The following KIF21A variants were observed in gnomAD, a reference collection of about 807,000 sequenced individuals.
The protein encoded by KIF21A is kinesin-like protein KIF21A.
A neutral mutation model predicts 202.9 loss-of-function variants in KIF21A; 114 were observed. The observed-to-expected ratio is 0.56, with a 90% CI of 0.48 to 0.66. The LOEUF (loss-of-function observed/expected upper bound fraction) is 0.66, where lower values mean the gene tolerates loss of function less well. Among genes scored for constraint, KIF21A ranks in the 30% least tolerant of loss-of-function variants. The pLI is 0.00. For synonymous variants in KIF21A, 667 were observed against 670.8 expected (o/e 0.99, Z 0.09); for missense variants, 1,677 against 1,994.9 (o/e 0.84, Z 3.04).
intron 1 of KIF21A, among the ~76,000 whole-genome samples, chr12:39,421,723 T>TTTATA (rs944109985): frequency 7.4e-6 from 1 of 135,026 alleles, no homozygotes; most frequent in African/African-American, 2.8e-5. Context: ...TATATATAAT[T>TTTATA]TATATATATA....
In KIF21A at chr12:39,435,017, G is replaced by C. The variant is rs562944239; in HGVS notation, c.44+7910C>G. Reference sequence around the variant, plus strand: ...GACAGACACAACTCTCCAAAGTTGAGAATAATTCAAATCCAGTCTCAAAAG... The same window carrying C: ...GACAGACACAACTCTCCAAAGTTGACAATAATTCAAATCCAGTCTCAAAAG... On this transcript the variant is annotated intron_variant, in intron 1 of 37. Coordinates refer to ENST00000361418, the MANE Select transcript of KIF21A (RefSeq NM_001173464.2). 2.0e-5 allele frequency among the ~76,000 whole-genome samples: 3 copies of C among 152,302 alleles called. 1 individual carries two copies. The highest frequency in any genetic ancestry group is 7.2e-5 in the African/African-American group (3 of 41,568).
At chr12:39,386,970 C>T (rs1378728506) in intron 1 of KIF21A, among the ~76,000 whole-genome samples, 1 of 151,958 alleles carries the variant, frequency 6.6e-6, no homozygotes, top group Non-Finnish European at 1.5e-5. Context: ...TACCTTCTCA[C>T]CTAAGCATGG....
At chr12:39,344,623 A>G (rs528173517) in intron 12 of KIF21A, among the ~76,000 whole-genome samples, 1 of 152,270 alleles carries the variant, frequency 6.6e-6, no homozygotes, top group East Asian at 1.9e-4. Context: ...TCACTTCTAC[A>G]TTAACTCATA....
chr12:39,311,305 A>T, intron 32 of KIF21A, 112 bp downstream of exon 32: 1 of 967,460 alleles, frequency 1.0e-6, no homozygotes, highest in Non-Finnish European at 1.6e-6. Context: ...GAACCAGATT[A>T]TCCGATTCTT....
At chr12:39,392,796 C>A (rs1238677521) in intron 1 of KIF21A, among the ~76,000 whole-genome samples, 1 of 147,678 alleles carries the variant, frequency 6.8e-6, no homozygotes, top group Non-Finnish European at 1.5e-5. Flanking sequence ...AAATAAAATT[C>A]AGATTGTGGG....
intron 17 of KIF21A, among the ~76,000 whole-genome samples, chr12:39,333,583 T>C (rs1421552206): frequency 3.9e-5 from 6 of 152,212 alleles, no homozygotes; most frequent in Admixed American, 3.9e-4. Context: ...ACAAATGTTA[T>C]CTTATTTAAT....
chr12:39,427,898 A>T (rs895023954), intron 1 of KIF21A, among the ~76,000 whole-genome samples: 2 of 152,186 alleles, frequency 1.3e-5, no homozygotes. Context: ...ACCTCAGATG[A>T]TCCAGCTGCC....
intron 25 of KIF21A, 53 bp from the exon 26 acceptor site, chr12:39,325,946 A>T (rs1291744155): frequency 7.2e-7 from 1 of 1,398,554 alleles, no homozygotes; most frequent in Non-Finnish European, 1.0e-6. Flanking sequence ...TTATTATAGA[A>T]AACTATAGCT....
At chr12:39,413,819 T>C (rs1953313626) in intron 1 of KIF21A, among the ~76,000 whole-genome samples, 1 of 152,164 alleles carries the variant, frequency 6.6e-6, no homozygotes, top group Non-Finnish European at 1.5e-5. Context: ...GCCTCCTCTT[T>C]TTTTGCCATA....
intron 1 of KIF21A, among the ~76,000 whole-genome samples, chr12:39,375,575 A>T (rs887329416): frequency 1.3e-5 from 2 of 152,092 alleles, no homozygotes; most frequent in African/African-American, 2.4e-5. Flanking sequence ...TTGCACAGCA[A>T]CCATATAATA....
At chr12:39,342,210 A>G (rs985938804) in intron 12 of KIF21A, 86 bp from the exon 13 acceptor site, 7 of 930,536 alleles carry the variant, frequency 7.5e-6, no homozygotes, top group South Asian at 1.4e-5. Flanking sequence ...GAAGCCATCA[A>G]TGATTTGTGA....
chr12:39,427,813 C>G (rs946107058), intron 1 of KIF21A, among the ~76,000 whole-genome samples: 9 of 152,176 alleles, frequency 5.9e-5, no homozygotes, highest in Admixed American at 5.2e-4. Flanking sequence ...TGCCTGCCAC[C>G]ACACCCAGCT....
chr12:39,363,994 G>A (rs1298036476), intron 6 of KIF21A, among the ~76,000 whole-genome samples: 1 of 152,060 alleles, frequency 6.6e-6, no homozygotes, highest in Non-Finnish European at 1.5e-5. Context: ...TTCCAGCCTG[G>A]GCAACAGAGT....
rs549944030 is a variant in KIF21A at position 39,362,842 on chromosome 12, A to T, written c.1019+256T>A. 2.0e-5 allele frequency among the ~76,000 whole-genome samples: 3 copies of T among 152,332 alleles called. No homozygotes were observed. In the South Asian group the frequency reaches 6.2e-4, roughly 32 times the overall value. ...TATACAAGCTAAGTGGCCTTGAATA[A>T]ATTACTTAACCTCTCTAGATTCATT... On this transcript the variant is annotated intron_variant, in intron 7 of 37. Transcript: ENST00000361418.
intron 33 of KIF21A, among the ~76,000 whole-genome samples, chr12:39,309,276 C>T (rs1331687086): frequency 6.6e-6 from 1 of 152,046 alleles, no homozygotes; most frequent in African/African-American, 2.4e-5. Flanking sequence ...TGAACTCTAT[C>T]AAGTAAGAAA....
At chr12:39,375,093 AG>A (rs1159202176) in intron 1 of KIF21A, among the ~76,000 whole-genome samples, 1 of 152,192 alleles carries the variant, frequency 6.6e-6, no homozygotes, top group African/African-American at 2.4e-5. Context: ...GACTAAATTC[AG>A]GAAATGTCTT....
Position 39,369,831 on chromosome 12 carries a change from T to C in KIF21A, c.348A>G (p.Arg116=). Reference sequence around the variant, plus strand: ...TACTCTTAAAAAGGTGTTTAACAGCTCGAGAAATAATACCCAGTTCTTCCT... The same window carrying C: ...TACTCTTAAAAAGGTGTTTAACAGCCCGAGAAATAATACCCAGTTCTTCCT... ...IVEEELGIIS[R]AVKHLFKSIE... Residue 116 remains arginine (R), a synonymous_variant, in exon 3 of 38, where the codon CGA becomes CGG. Transcript: ENST00000361418. The C allele has an allele frequency of 1.2e-6, 2 of 1,613,116 alleles. No individual in the cohort carries two copies. The highest frequency in any genetic ancestry group is 1.7e-6 in the Non-Finnish European group (2 of 1,179,312).
In KIF21A at chr12:39,380,059, C is replaced by T. The variant is rs549692406; in HGVS notation, c.45-9798G>A. ...CTCTGCTCACTGCAACCTCCGCCTC[C>T]CAGGTTCAGGCAATTCTCCTGCCTC... On this transcript the variant is annotated intron_variant, in intron 1 of 37. Transcript: ENST00000361418. Among the ~76,000 whole-genome samples, 9 of 152,336 alleles carry T rather than the reference C, an allele frequency of 5.9e-5. No individual in the cohort carries two copies. The East Asian group carries it at 1.7e-3, about 29-fold the overall frequency.
intron 1 of KIF21A, among the ~76,000 whole-genome samples, chr12:39,411,385 C>A (rs1220372947): frequency 1.3e-5 from 2 of 152,182 alleles, no homozygotes; most frequent in African/African-American, 4.8e-5. Flanking sequence ...TTAACAAGAT[C>A]CACAGGTGAC....
Sources: allele counts gnomAD v4.1 joint callset (sites outside exome capture counted in the v4.1 genomes callset), GRCh38; gene constraint gnomAD v4.1.1; transcripts MANE v1.5; gene names NCBI Gene and HGNC (gene_info 2026-07-23, HGNC 2026-07-21).